The following USP40 variants were observed in gnomAD, a reference collection of about 807,000 sequenced individuals.
USP40 encodes the protein ubiquitin specific peptidase 40, also known as ubiquitin carboxyl-terminal hydrolase 40.
USP40 carries 143 observed loss-of-function variants against 166.2 expected under a neutral mutation model. That is an observed-to-expected ratio of 0.86 (90% CI 0.75 to 0.99). USP40 has a LOEUF of 0.99. Among genes scored for constraint, USP40 ranks in the 50% least tolerant of loss-of-function variants. The pLI, the probability that USP40 is intolerant of heterozygous loss-of-function variation, is 0.00. For missense variants in USP40, 1,444 were observed against 1,479.7 expected, an observed-to-expected ratio of 0.98 and a Z score of 0.40; for synonymous variants, 498 against 524.0, an observed-to-expected ratio of 0.95 and a Z score of 0.68.
intron 31 of USP40, among the ~76,000 whole-genome samples, chr2:233,479,482 G>C (rs922050906): frequency 1.3e-5 from 2 of 151,754 alleles, no homozygotes; most frequent in Admixed American, 1.3e-4. Flanking sequence ...AGAATCGCTT[G>C]AACCCGGGAG....
In USP40 at chr2:233,485,844, A is replaced by G. The variant is rs1303838476; in HGVS notation, c.3331T>C (p.Tyr1111His). The G allele has an allele frequency of 1.2e-6, 2 of 1,610,862 alleles. No individual in the cohort carries two copies. Among genetic ancestry groups the G allele is most frequent in the South Asian group, 2.2e-5 (2 of 90,030 alleles). The change falls in exon 29 of 32, where the codon TAT (tyrosine) becomes CAT (histidine). Residue 1111 changes from tyrosine to histidine, a missense_variant. Transcript: ENST00000678225. ...GSLRQRVADFYRLPVEKIEIA... is the reference protein window; with the variant it reads ...GSLRQRVADFHRLPVEKIEIA... ...TCAATCTTCTCCACGGGAAGACGAT[A>G]GAAATCGGCAACTCTCTGCCTCAGG...
chr2:233,510,910 T>C (rs930237414), intron 20 of USP40, among the ~76,000 whole-genome samples: 2 of 152,220 alleles, frequency 1.3e-5, no homozygotes, highest in African/African-American at 4.8e-5. Flanking sequence ...CAGTTCCTCA[T>C]AGCCCTGCTT....
chr2:233,547,356 C>CA, intron 8 of USP40, among the ~76,000 whole-genome samples: 1 of 152,216 alleles, frequency 6.6e-6, no homozygotes, highest in East Asian at 1.9e-4. Context: ...CCAAACTTTA[C>CA]AGAACATGTA....
At chr2:233,496,003 C>T (rs1418421968) in intron 24 of USP40, among the ~76,000 whole-genome samples, 1 of 152,184 alleles carries the variant, frequency 6.6e-6, no homozygotes, top group East Asian at 1.9e-4. Flanking sequence ...TATTTGCCTT[C>T]AGCAAACAAA....
chr2:233,512,909 T>C (rs938103252), intron 18 of USP40: 1 of 181,200 alleles, frequency 5.5e-6, no homozygotes, highest in Non-Finnish European at 1.1e-5. Flanking sequence ...ACAATATTAA[T>C]AATCAATGGA....
At chr2:233,483,230 CTGTA>C (rs2064739006) in intron 30 of USP40, among the ~76,000 whole-genome samples, 1 of 152,192 alleles carries the variant, frequency 6.6e-6, no homozygotes, top group South Asian at 2.1e-4. Context: ...TGGCTCACGC[CTGTA>C]ATCCCAGCTC....
At chr2:233,556,778 G>T in intron 5 of USP40, 77 bp downstream of exon 5, 1 of 1,340,408 alleles carries the variant, frequency 7.5e-7, no homozygotes, top group Non-Finnish European at 1.0e-6. Context: ...ATCCTTGTGT[G>T]GTATATATCA....
intron 11 of USP40, 32 bp downstream of exon 11, chr2:233,533,447 T>C (rs922712970): frequency 1.3e-6 from 2 of 1,584,560 alleles, no homozygotes; most frequent in African/African-American, 1.4e-5. Flanking sequence ...AGCCATTAAC[T>C]GAAACAAATA....
At chr2:233,524,693 T>C in intron 14 of USP40, 131 bp from the exon 15 acceptor site, 1 of 619,898 alleles carries the variant, frequency 1.6e-6, no homozygotes, top group South Asian at 3.0e-5. Context: ...AGTAATTATT[T>C]TTATTCTATT....
chr2:233,557,825 A>G (rs1464203662), intron 4 of USP40, among the ~76,000 whole-genome samples: 3 of 152,170 alleles, frequency 2.0e-5, no homozygotes, highest in Non-Finnish European at 2.9e-5. Context: ...AGAGTTCAGA[A>G]GCAGAGGCAA....
At chr2:233,556,031 G>A (rs2071052351) in intron 5 of USP40, among the ~76,000 whole-genome samples, 1 of 151,478 alleles carries the variant, frequency 6.6e-6, no homozygotes, top group African/African-American at 2.4e-5. Context: ...CAGGAGAATG[G>A]CGTGAACCCG....
intron 11 of USP40, among the ~76,000 whole-genome samples, chr2:233,531,541 T>C (rs2068525871): frequency 6.6e-6 from 1 of 152,244 alleles, no homozygotes; most frequent in Admixed American, 6.5e-5. Flanking sequence ...CTTTTTCTGA[T>C]AGTATATATT....
intron 14 of USP40, among the ~76,000 whole-genome samples, chr2:233,524,853 A>G (rs1039799074): frequency 6.6e-6 from 1 of 152,208 alleles, no homozygotes; most frequent in African/African-American, 2.4e-5. Flanking sequence ...GAATGGTCCC[A>G]ACTCCACCGA....
intron 30 of USP40, among the ~76,000 whole-genome samples, chr2:233,483,613 A>G (rs192928667): frequency 3.9e-5 from 6 of 152,340 alleles, no homozygotes; most frequent in Admixed American, 3.9e-4. Context: ...CTATGGTGTG[A>G]GCAGAGGTAA....
intron 22 of USP40, 151 bp downstream of exon 22, chr2:233,499,728 G>T: frequency 3.3e-6 from 2 of 599,338 alleles, no homozygotes; most frequent in East Asian, 2.9e-5. Flanking sequence ...CAAGAACCAG[G>T]AGAATTCATT....
intron 8 of USP40, 99 bp downstream of exon 8, chr2:233,549,002 A>G: frequency 8.3e-7 from 1 of 1,206,252 alleles, no homozygotes; most frequent in Non-Finnish European, 1.1e-6. Flanking sequence ...TTTTCTATAG[A>G]GTGGATATAT....
At chr2:233,522,217 T>G (rs1165135065) in intron 16 of USP40, among the ~76,000 whole-genome samples, 1 of 152,184 alleles carries the variant, frequency 6.6e-6, no homozygotes, top group Non-Finnish European at 1.5e-5. Flanking sequence ...TTATTAGGTT[T>G]AAAAAGAAAG....
intron 10 of USP40, among the ~76,000 whole-genome samples, chr2:233,538,304 T>C (rs1419431395): frequency 6.6e-6 from 1 of 152,044 alleles, no homozygotes. Flanking sequence ...TTAATGTAAA[T>C]AACTAAACAT....
intron 18 of USP40, among the ~76,000 whole-genome samples, chr2:233,518,961 A>G (rs2067456961): frequency 6.6e-6 from 1 of 152,246 alleles, no homozygotes; most frequent in South Asian, 2.1e-4. Context: ...GATACGTACT[A>G]AATCATGGAC....
Sources: allele counts gnomAD v4.1 joint callset (sites outside exome capture counted in the v4.1 genomes callset), GRCh38; gene constraint gnomAD v4.1.1; transcripts MANE v1.5; gene names NCBI Gene and HGNC (gene_info 2026-07-23, HGNC 2026-07-21).